Variants in FERMT2 observed in about 807,000 individuals in gnomAD.
The protein encoded by FERMT2 is FERM domain containing kindlin 2.
A neutral mutation model predicts 82.7 loss-of-function variants in FERMT2; 15 were observed. The observed-to-expected ratio is 0.18, with a 90% CI of 0.12 to 0.28. The LOEUF (loss-of-function observed/expected upper bound fraction) is 0.28, where lower values mean the gene tolerates loss of function less well. FERMT2 is among the 10% of genes least tolerant of loss of function. The probability of loss-of-function intolerance (pLI) is 1.00; values close to 1 mark genes in which losing one functional copy is unlikely to be tolerated. For synonymous variants in FERMT2, 274 were observed against 271.5 expected (o/e 1.01, Z -0.09); for missense variants, 645 against 809.4 (o/e 0.80, Z 2.46).
intron 3 of FERMT2, among the ~76,000 whole-genome samples, chr14:52,909,255 T>C (rs1157409029): frequency 1.3e-5 from 2 of 152,088 alleles, no homozygotes; most frequent in African/African-American, 4.8e-5. Flanking sequence ...GTTTCGAATT[T>C]TGGAGCACTT....
chr14:52,924,105 A>G (rs1889115037), intron 2 of FERMT2, among the ~76,000 whole-genome samples: 1 of 152,196 alleles, frequency 6.6e-6, no homozygotes, highest in Non-Finnish European at 1.5e-5. Flanking sequence ...CCTGTTGAAC[A>G]TGTACTGTGT....
intron 4 of FERMT2, among the ~76,000 whole-genome samples, chr14:52,886,739 T>C (rs931960385): frequency 3.3e-5 from 5 of 152,160 alleles, no homozygotes; most frequent in Non-Finnish European, 7.3e-5. Flanking sequence ...CTTGTGCATA[T>C]AAACACACAG....
At chr14:52,950,733 G>A (rs938030949) in intron 1 of FERMT2, 156 bp from the exon 2 acceptor site, 148 of 669,996 alleles carry the variant, frequency 2.2e-4, no homozygotes, top group Non-Finnish European at 3.4e-4. Context: ...GGGGCTGCGG[G>A]AGGACCCTAC....
At chr14:52,903,011 A>G (rs1887770829) in intron 3 of FERMT2, among the ~76,000 whole-genome samples, 1 of 151,536 alleles carries the variant, frequency 6.6e-6, no homozygotes, top group South Asian at 2.1e-4. Flanking sequence ...CAGCGAGAAC[A>G]GAGAAAACAA....
At chr14:52,890,607 T>C (rs1367509931) in intron 4 of FERMT2, among the ~76,000 whole-genome samples, 3 of 52,872 alleles carry the variant, frequency 5.7e-5, no homozygotes, top group Non-Finnish European at 1.9e-4. Context: ...TCTTTTATCC[T>C]CTTTTTTTTT....
intron 3 of FERMT2, among the ~76,000 whole-genome samples, chr14:52,907,218 G>A (rs1888065049): frequency 6.6e-6 from 1 of 152,094 alleles, no homozygotes. Flanking sequence ...TCGCCATGTT[G>A]CACAGGCTGG....
chr14:52,911,332 T>C (rs8021753), intron 3 of FERMT2, among the ~76,000 whole-genome samples: 1,549 of 152,224 alleles, frequency 0.01, 28 homozygotes, highest in African/African-American at 0.035. Flanking sequence ...AAGAGCCTAA[T>C]TATAATTAGT....
intron 2 of FERMT2, among the ~76,000 whole-genome samples, chr14:52,927,629 G>C (rs1026859068): frequency 2.7e-5 from 3 of 111,002 alleles, no homozygotes; most frequent in Admixed American, 1.7e-4. Context: ...AAAAATCCAG[G>C]CATGGTGGCC....
At chr14:52,945,677 C>G (rs542332920) in intron 2 of FERMT2, among the ~76,000 whole-genome samples, 1 of 152,152 alleles carries the variant, frequency 6.6e-6, no homozygotes, top group African/African-American at 2.4e-5. Flanking sequence ...TACATTCTCT[C>G]TACTCATAGA....
intron 3 of FERMT2, among the ~76,000 whole-genome samples, chr14:52,906,948 G>A (rs1156632367): frequency 3.6e-5 from 2 of 55,092 alleles, no homozygotes; most frequent in Admixed American, 2.0e-4. Flanking sequence ...TCAATTATTG[G>A]GGGGGGGGGG....
At chr14:52,947,760 C>A (rs549446034) in intron 2 of FERMT2, among the ~76,000 whole-genome samples, 1 of 152,252 alleles carries the variant, frequency 6.6e-6, no homozygotes, top group East Asian at 1.9e-4. Flanking sequence ...GTCATGACTT[C>A]TTTTGTTACA....
chr14:52,875,278 G>T lies in FERMT2; in HGVS notation c.1043C>A (p.Ala348Asp). The T allele has an allele frequency of 6.2e-7, 1 of 1,612,952 alleles. No individual in the cohort carries two copies. The highest frequency in any genetic ancestry group is 8.5e-7 in the Non-Finnish European group (1 of 1,179,182). ...NSDKEVDEVD[A>D]ALSDLEITLE... ...AGTAATCTCCAGGTCTGAAAGGGCA[G>T]CATCAACTTCATCAACTTCTTTGTC... The change falls in exon 8 of 15, where the codon GCT becomes GAT. Residue 348 changes from alanine (A) to aspartate (D), a missense_variant. Ala to Asp is a moderately radical substitution (Grantham distance 126). Transcript: ENST00000341590.
chr14:52,907,559 TAC>T (rs1566743305), intron 3 of FERMT2, among the ~76,000 whole-genome samples: 1 of 151,912 alleles, frequency 6.6e-6, no homozygotes, highest in Non-Finnish European at 1.5e-5. Flanking sequence ...AGGAGTAAAA[TAC>T]ATGACACAAA....
At chr14:52,929,722 C>T (rs1889474743) in intron 2 of FERMT2, among the ~76,000 whole-genome samples, 1 of 152,136 alleles carries the variant, frequency 6.6e-6, no homozygotes, top group South Asian at 2.1e-4. Flanking sequence ...TTTTTAGCTA[C>T]CCTAGCCCTC....
At chr14:52,943,023 G>A (rs984460247) in intron 2 of FERMT2, among the ~76,000 whole-genome samples, 9 of 151,988 alleles carry the variant, frequency 5.9e-5, no homozygotes, top group Admixed American at 1.3e-4. Flanking sequence ...GACCAGCCTC[G>A]CCAACATGGT....
At chr14:52,939,735 T>G (rs986971109) in intron 2 of FERMT2, among the ~76,000 whole-genome samples, 2 of 152,186 alleles carry the variant, frequency 1.3e-5, no homozygotes, top group Non-Finnish European at 2.9e-5. Flanking sequence ...ACCAAGGGCA[T>G]TCCATCTTGG....
At chr14:52,899,475 G>C (rs995157245) in intron 3 of FERMT2, among the ~76,000 whole-genome samples, 9 of 152,054 alleles carry the variant, frequency 5.9e-5, no homozygotes, top group Non-Finnish European at 1.3e-4. Context: ...GTAGAGACAG[G>C]GTTTCACCGT....
chr14:52,919,098 TAAG>T (rs1888793124), intron 3 of FERMT2, 22 bp downstream of exon 3: 3 of 1,515,232 alleles, frequency 2.0e-6, no homozygotes, highest in African/African-American at 1.4e-5. Flanking sequence ...ACTCGTATTT[TAAG>T]AAGAATTTAT....
chr14:52,886,816 C>T (rs1886639083), intron 4 of FERMT2, among the ~76,000 whole-genome samples: 2 of 152,086 alleles, frequency 1.3e-5, no homozygotes, highest in Admixed American at 1.3e-4. Flanking sequence ...AGAAATGGCT[C>T]CCTCTTGAGA....
Sources: gnomAD v4.1 joint callset for allele counts (sites outside exome capture counted in the v4.1 genomes callset) on GRCh38, gnomAD v4.1.1 for gene constraint, MANE v1.5 for transcripts, NCBI Gene and HGNC (gene_info 2026-07-23, HGNC 2026-07-21) for gene names.